Variants in NCKAP1L observed in about 807,000 individuals in gnomAD.
The protein encoded by NCKAP1L is nck-associated protein 1-like.
NCKAP1L carries 53 observed loss-of-function variants against 139.2 expected under a neutral mutation model. The observed-to-expected ratio is 0.38, with a 90% CI of 0.31 to 0.48. The LOEUF is 0.48. Among genes scored for constraint, NCKAP1L ranks in the 20% least tolerant of loss-of-function variants. The pLI is 0.98. For synonymous variants in NCKAP1L, 468 were observed against 499.7 expected (o/e 0.94, Z 0.85); for missense variants, 1,151 against 1,381.9 (o/e 0.83, Z 2.65).
chr12:54,520,776 CT>C lies in NCKAP1L; in HGVS notation c.1709del (p.Leu570ArgfsTer54), dbSNP rs1345081699. On this transcript the variant is annotated frameshift_variant, in exon 17 of 31. Coordinates refer to ENST00000293373, the MANE Select transcript of NCKAP1L (RefSeq NM_005337.5). LOFTEE classifies it high-confidence loss of function. ...GTTGCGTTATGCCATTGCTTTCCCC[CT>C]GATTTGTGCTCACTTTGTCCACTGC... ...AMLRYAIAFP[L>X]ICAHFVHCTH... is the part of the protein sequence containing the mutation. The C allele has an allele frequency of 6.2e-7, 1 of 1,614,124 alleles. No individual in the cohort carries two copies. The highest frequency in any genetic ancestry group is 8.5e-7 in the Non-Finnish European group (1 of 1,180,024).
At chr12:54,530,311 C>T (rs1006755173) in intron 22 of NCKAP1L, among the ~76,000 whole-genome samples, 2 of 152,228 alleles carry the variant, frequency 1.3e-5, no homozygotes, top group African/African-American at 4.8e-5. Context: ...AGCTAGAGCT[C>T]CTTCCTATCT....
At chr12:54,528,399 C>A (rs1346883877) in intron 22 of NCKAP1L, 22 bp downstream of exon 22, 3 of 1,610,850 alleles carry the variant, frequency 1.9e-6, no homozygotes, top group Non-Finnish European at 2.5e-6. Flanking sequence ...GCCTGGTCTT[C>A]TTGTCAAGGA....
chr12:54,505,577 C>T (rs1371413581), intron 3 of NCKAP1L, among the ~76,000 whole-genome samples: 1 of 151,290 alleles, frequency 6.6e-6, no homozygotes, highest in African/African-American at 2.4e-5. Context: ...AGCATGTATT[C>T]TTTTGTGTCT....
At chr12:54,498,755 T>C (rs1408602939) in intron 1 of NCKAP1L, 6 of 984,702 alleles carry the variant, frequency 6.1e-6, no homozygotes, top group Admixed American at 1.2e-4. Flanking sequence ...CCGGCTTCAG[T>C]TGAGGGGCGG....
chr12:54,517,549 T>A lies in NCKAP1L; in HGVS notation c.1112T>A (p.Met371Lys). ...LLGPKALFAF[M>K]ALSFIRDEVT... ...CCTCCATAGGCTCTTTTTGCTTTCA[T>A]GGCCCTGTCCTTCATTCGTGATGAG... Residue 371 changes from methionine (M) to lysine (K), a missense_variant, in exon 12 of 31, where the codon ATG becomes AAG. By Grantham distance (95) the Met-to-Lys change is moderately conservative (BLOSUM62 -1). Coordinates refer to ENST00000293373, the MANE Select transcript of NCKAP1L (RefSeq NM_005337.5). 1.9e-6 allele frequency: 3 copies of A among 1,614,120 alleles called. No homozygotes were observed. The highest frequency in any genetic ancestry group is 2.5e-6 in the Non-Finnish European group (3 of 1,179,924).
chr12:54,504,417 G>A (rs756549864), intron 3 of NCKAP1L, among the ~76,000 whole-genome samples: 11 of 152,208 alleles, frequency 7.2e-5, no homozygotes, highest in Non-Finnish European at 1.3e-4. Flanking sequence ...TTGTGGAATT[G>A]AGAGTAGTGG....
intron 30 of NCKAP1L, among the ~76,000 whole-genome samples, chr12:54,541,914 A>G (rs372750852): frequency 1.1e-4 from 17 of 152,154 alleles, no homozygotes; most frequent in African/African-American, 4.1e-4. Context: ...GCTCTTCATG[A>G]ACATGCCCTG....
chr12:54,505,584 G>A (rs1592337015), intron 3 of NCKAP1L, among the ~76,000 whole-genome samples: 1 of 151,316 alleles, frequency 6.6e-6, no homozygotes, highest in South Asian at 2.1e-4. Flanking sequence ...ATTCTTTTGT[G>A]TCTGGCTCCT....
At position 54,508,520 on chromosome 12, in the gene NCKAP1L, G is replaced by A; in HGVS notation, c.495G>A (p.Leu165=). ...IGMYNCAHEM[L]HGHGDPSFAR... ...TGTACAATTGTGCCCATGAGATGCT[G>A]CATGGGCATGGGTGAGTTAAGGCGA... Residue 165 remains leucine, a synonymous_variant, in exon 5 of 31, where the codon CTG becomes CTA. Transcript: ENST00000293373. 1 of 1,614,056 alleles carries A rather than the reference G, an allele frequency of 6.2e-7. No individual in the cohort carries two copies. Among genetic ancestry groups the A allele is most frequent in the Non-Finnish European group, 8.5e-7 (1 of 1,179,918 alleles).
intron 18 of NCKAP1L, among the ~76,000 whole-genome samples, chr12:54,522,600 G>A (rs918298179): frequency 9.2e-5 from 14 of 152,234 alleles, no homozygotes; most frequent in African/African-American, 2.9e-4. Flanking sequence ...TTTCCATCAA[G>A]GTGGACTTGA....
intron 11 of NCKAP1L, 147 bp downstream of exon 11, chr12:54,517,139 T>A (rs1270101844): frequency 4.5e-6 from 3 of 664,844 alleles, no homozygotes; most frequent in Non-Finnish European, 7.8e-6. Flanking sequence ...TCTTGGAGTA[T>A]CCCAAAACCT....
At chr12:54,541,136 T>C (rs1395791238) in intron 30 of NCKAP1L, among the ~76,000 whole-genome samples, 1 of 152,224 alleles carries the variant, frequency 6.6e-6, no homozygotes, top group South Asian at 2.1e-4. Flanking sequence ...ATGGCTCTTA[T>C]AGAATCATGG....
intron 26 of NCKAP1L, 60 bp downstream of exon 26, chr12:54,532,310 GC>G: frequency 7.1e-7 from 1 of 1,414,982 alleles, no homozygotes; most frequent in Non-Finnish European, 9.9e-7. Context: ...AAAGGAGGTA[GC>G]TAGGATCTTG....
rs1042640893 is a variant in NCKAP1L at position 54,542,860 on chromosome 12, G to A, written c.*175G>A. 46 of 539,200 alleles carry A rather than the reference G, an allele frequency of 8.5e-5. No individual in the cohort carries two copies. In the East Asian group the frequency reaches 9.4e-4, roughly 11 times the overall value. 33.4% of individuals were successfully genotyped at this position (539,200 alleles called of 1,614,324 possible). ...AAGAACAATCCAGGGCTGAGAAATC[G>A]TAGAGCAGTGAGGCAGGCTGGGAGC... On this transcript the variant is annotated 3_prime_UTR_variant, in exon 31 of 31. Transcript: ENST00000293373.
At chr12:54,505,794 C>A (rs958731678) in intron 3 of NCKAP1L, among the ~76,000 whole-genome samples, 4 of 152,042 alleles carry the variant, frequency 2.6e-5, no homozygotes, top group Admixed American at 6.6e-5. Flanking sequence ...TCCCAAGTAG[C>A]TGGGATTACA....
At chr12:54,505,813 C>T (rs1956835489) in intron 3 of NCKAP1L, among the ~76,000 whole-genome samples, 1 of 152,260 alleles carries the variant, frequency 6.6e-6, no homozygotes, top group East Asian at 1.9e-4. Context: ...CAGGAATGCG[C>T]CACCACACCT....
intron 9 of NCKAP1L, among the ~76,000 whole-genome samples, chr12:54,513,057 A>T (rs554391815): frequency 1.3e-5 from 2 of 152,280 alleles, no homozygotes; most frequent in African/African-American, 2.4e-5. Flanking sequence ...CCCAAAGAGG[A>T]TGGGGAACTA....
chr12:54,516,346 T>C (rs757345857), intron 10 of NCKAP1L, 51 bp downstream of exon 10: 3 of 1,566,982 alleles, frequency 1.9e-6, no homozygotes, highest in Non-Finnish European at 2.6e-6. Flanking sequence ...AGGAATCTCT[T>C]CTCACTTTTG....
intron 29 of NCKAP1L, among the ~76,000 whole-genome samples, chr12:54,538,643 C>A (rs1712672594): frequency 6.6e-6 from 1 of 152,208 alleles, no homozygotes; most frequent in South Asian, 2.1e-4. Flanking sequence ...CCCTTGCAAT[C>A]TCTCCCCTAG....
Sources: allele counts gnomAD v4.1 joint callset (sites outside exome capture counted in the v4.1 genomes callset), GRCh38; gene constraint gnomAD v4.1.1; transcripts MANE v1.5; gene names NCBI Gene and HGNC (gene_info 2026-07-23, HGNC 2026-07-21).